Variants in ATF7 observed in about 807,000 individuals in gnomAD.
ATF7 encodes activating transcription factor 7, also known as cyclic AMP-dependent transcription factor ATF-7.
ATF7 carries 10 observed loss-of-function variants against 50.4 expected under a neutral mutation model. The ratio of observed to expected loss-of-function variants is 0.20; its 90% confidence interval spans 0.12 to 0.34. ATF7 has a LOEUF of 0.34. Among genes scored for constraint, ATF7 ranks in the 10% least tolerant of loss-of-function variants. ATF7 has a pLI of 1.00. For synonymous variants in ATF7, 201 were observed against 226.4 expected (o/e 0.89, Z 1.01); for missense variants, 465 against 613.9 (o/e 0.76, Z 2.56).
chr12:53,529,082 T>TTA (rs1409083544), intron 9 of ATF7, among the ~76,000 whole-genome samples: 4 of 151,876 alleles, frequency 2.6e-5, no homozygotes, highest in East Asian at 3.9e-4. Context: ...TCTTTTAAAA[T>TTA]TATATATATA....
Position 53,524,911 on chromosome 12 carries a change from T to G in ATF7, c.928-150A>C, listed in dbSNP as rs1938355231. 4.0e-6 allele frequency: 3 copies of G among 752,076 alleles called. No individual in the cohort carries two copies. In the African/African-American group the frequency reaches 5.4e-5, roughly 14 times the overall value. The allele number at this position is 752,076 out of a possible 1,614,324, so 46.6% of individuals were successfully genotyped here. A position where few individuals can be genotyped will look rare whatever the true frequency, so the allele number is the denominator to read the frequency against. On this transcript the variant is annotated intron_variant, in intron 9 of 11. Transcript: ENST00000420353. The surrounding 1 kb of genome is among the most constrained non-coding windows in gnomAD (Gnocchi z 4.6). ...AGTCTCATTACTATGTCCCCAAGCT[T>G]CCCTTTTGTAGGAGTCCTCAATTTT...
At chr12:53,597,337 T>G (rs1434213854) in intron 2 of ATF7, among the ~76,000 whole-genome samples, 1 of 152,028 alleles carries the variant, frequency 6.6e-6, no homozygotes, top group African/African-American at 2.4e-5. Context: ...GAAAGCCTAG[T>G]GGTTTTGATT....
chr12:53,609,303 C>T (rs951094789), intron 1 of ATF7, among the ~76,000 whole-genome samples: 2 of 151,576 alleles, frequency 1.3e-5, no homozygotes, highest in Non-Finnish European at 2.9e-5. Flanking sequence ...TACAGGCATG[C>T]GCCACCACAT....
intron 6 of ATF7, among the ~76,000 whole-genome samples, chr12:53,534,109 C>T (rs999706404): frequency 1.3e-5 from 2 of 152,136 alleles, no homozygotes; most frequent in African/African-American, 4.8e-5. Flanking sequence ...AACCCCGTCT[C>T]TACTAAAAAT....
intron 2 of ATF7, chr12:53,600,727 G>T: frequency 2.2e-6 from 1 of 461,940 alleles, no homozygotes; most frequent in Admixed American, 3.7e-5. Flanking sequence ...TGTGTGGTGG[G>T]AAACAAACAC....
In ATF7 at chr12:53,552,593, A is replaced by T; in HGVS notation, c.93T>A (p.His31Gln). Residue 31 changes from histidine (H) to glutamine (Q), a missense_variant, in exon 3 of 12, where the codon CAT (histidine) becomes CAA (glutamine). Transcript: ENST00000420353. The part of the protein sequence containing the change: ...EDHLAVHKHK[H>Q]EMTLKFGPAR... The stretch of plus-strand genomic sequence containing the variant: ...CTGGGCCAAATTTCAATGTCATCTC[A>T]TGCTTGTGTTTATGAACTGCCAGGT... 2 of 1,613,632 alleles carry T rather than the reference A, an allele frequency of 1.2e-6. No homozygotes were observed. Among genetic ancestry groups the T allele is most frequent in the Non-Finnish European group, 1.7e-6 (2 of 1,179,572 alleles).
intron 4 of ATF7, among the ~76,000 whole-genome samples, chr12:53,540,770 G>T (rs561836310): frequency 2.6e-5 from 4 of 151,818 alleles, no homozygotes; most frequent in Non-Finnish European, 5.9e-5. Flanking sequence ...AATAAATAAA[G>T]ACAGGGTGTT....
chr12:53,532,682 CA>C, intron 7 of ATF7, 59 bp from the exon 8 acceptor site: 1 of 1,263,662 alleles, frequency 7.9e-7, no homozygotes, highest in African/African-American at 1.5e-5. Context: ...ATCGGTGGGG[CA>C]ACAGTTTCCC....
intron 3 of ATF7, among the ~76,000 whole-genome samples, chr12:53,549,742 C>T (rs769386042): frequency 1.2e-4 from 19 of 152,168 alleles, no homozygotes; most frequent in African/African-American, 2.9e-4. Context: ...CTCGCCACCA[C>T]GCCTGGCTAA....
At chr12:53,597,339 G>T (rs1386376186) in intron 2 of ATF7, among the ~76,000 whole-genome samples, 1 of 152,228 alleles carries the variant, frequency 6.6e-6, no homozygotes, top group Non-Finnish European at 1.5e-5. Context: ...AAGCCTAGTG[G>T]TTTTGATTAT....
chr12:53,557,963 C>T (rs2137542068), intron 2 of ATF7, among the ~76,000 whole-genome samples: 1 of 152,260 alleles, frequency 6.6e-6, no homozygotes, highest in African/African-American at 2.4e-5. Context: ...CACTTGTTTA[C>T]TTTCACTTTT....
intron 4 of ATF7, among the ~76,000 whole-genome samples, chr12:53,540,570 A>C (rs957464502): frequency 6.0e-5 from 9 of 150,220 alleles, no homozygotes; most frequent in African/African-American, 2.2e-4. Flanking sequence ...CTAAAAATAC[A>C]AAAAAATTAG....
intron 2 of ATF7, among the ~76,000 whole-genome samples, chr12:53,562,592 G>A (rs1489196446): frequency 6.6e-6 from 1 of 151,848 alleles, no homozygotes; most frequent in East Asian, 1.9e-4. Context: ...CCGAGATTGT[G>A]CCACTGCACT....
At chr12:53,531,920 T>C (rs999972639) in intron 8 of ATF7, 24 bp from the exon 9 acceptor site, 4 of 1,611,586 alleles carry the variant, frequency 2.5e-6, no homozygotes, top group Admixed American at 3.3e-5. Flanking sequence ...TAAGAAAAAA[T>C]GCTTGTTAAG....
chr12:53,598,780 T>A (rs1012300086), intron 2 of ATF7, among the ~76,000 whole-genome samples: 2 of 152,240 alleles, frequency 1.3e-5, no homozygotes, highest in Admixed American at 1.3e-4. Context: ...CTTATTTTTA[T>A]CTTCTATTTT....
At chr12:53,559,695 A>AT (rs1487380060) in intron 2 of ATF7, among the ~76,000 whole-genome samples, 5 of 151,422 alleles carry the variant, frequency 3.3e-5, no homozygotes, top group Admixed American at 2.0e-4. Flanking sequence ...AAAAAAAAAA[A>AT]AGCAAAAATC....
At chr12:53,540,582 C>T (rs936623510) in intron 4 of ATF7, among the ~76,000 whole-genome samples, 4 of 151,590 alleles carry the variant, frequency 2.6e-5, no homozygotes, top group African/African-American at 9.7e-5. Flanking sequence ...AAAAATTAGC[C>T]AGGCGTCGTG....
intron 2 of ATF7, among the ~76,000 whole-genome samples, chr12:53,598,437 G>A (rs977203247): frequency 2.0e-5 from 3 of 152,096 alleles, no homozygotes; most frequent in Non-Finnish European, 4.4e-5. Context: ...TCCTACTGAG[G>A]GGAAAAAAGC....
At chr12:53,587,841 A>ATTTTT (rs1455265890) in intron 2 of ATF7, among the ~76,000 whole-genome samples, 1 of 46,404 alleles carries the variant, frequency 2.2e-5, no homozygotes, top group African/African-American at 6.2e-5. Flanking sequence ...ATATATATAT[A>ATTTTT]TATTTTTTTT....
Sources: gnomAD v4.1 joint callset for allele counts (sites outside exome capture counted in the v4.1 genomes callset) on GRCh38, gnomAD v4.1.1 for gene constraint, Gnocchi (gnomAD v3.1) non-coding constraint, MANE v1.5 for transcripts, NCBI Gene and HGNC (gene_info 2026-07-23, HGNC 2026-07-21) for gene names.